Variants in FBXO34 observed in about 807,000 individuals in gnomAD.
FBXO34 encodes F-box protein 34.
Under a neutral mutation model 24.5 loss-of-function variants are expected in FBXO34, and 12 were observed. That is an observed-to-expected ratio of 0.49 (90% CI 0.31 to 0.79). The LOEUF (loss-of-function observed/expected upper bound fraction) is 0.79, where lower values mean the gene tolerates loss of function less well. Ranked by LOEUF, FBXO34 falls within the 30% of genes least tolerant of loss-of-function variation. The pLI is 0.04. For missense variants in FBXO34, 823 were observed against 857.7 expected, an observed-to-expected ratio of 0.96 and a Z score of 0.51; for synonymous variants, 320 against 311.9, an observed-to-expected ratio of 1.03 and a Z score of -0.27.
At chr14:55,288,345 A>C (rs1399919640) in intron 1 of FBXO34, among the ~76,000 whole-genome samples, 2 of 152,212 alleles carry the variant, frequency 1.3e-5, no homozygotes, top group African/African-American at 4.8e-5. Flanking sequence ...AGTACATAAA[A>C]ATGGAATATA....
intron 1 of FBXO34, among the ~76,000 whole-genome samples, chr14:55,282,969 G>A (rs1183096073): frequency 1.3e-5 from 2 of 152,140 alleles, no homozygotes. Flanking sequence ...TAGGGCAAGA[G>A]GTTTTATTTC....
chr14:55,393,790 C>G, the FBXO34 span, among the ~76,000 whole-genome samples: 1 of 152,026 alleles, frequency 6.6e-6, no homozygotes, highest in Admixed American at 6.6e-5. Context: ...TGGGCTTGAG[C>G]AATCCACCTC....
the FBXO34 span, among the ~76,000 whole-genome samples, chr14:55,442,406 G>A: frequency 1.3e-5 from 2 of 148,292 alleles, no homozygotes; most frequent in East Asian, 4.0e-4. Flanking sequence ...AAAAAAAAAT[G>A]TACAGAGGCA....
At chr14:55,367,965 G>A (rs1172784418) in exon 3 of FBXO34, 1 of 152,562 alleles carries the variant, frequency 6.6e-6, no homozygotes, top group Non-Finnish European at 1.5e-5. Flanking sequence ...GAGAAAAGAA[G>A]CTGGGGCATG....
chr14:55,337,956 T>C (rs1883841402), intron 1 of FBXO34, among the ~76,000 whole-genome samples: 1 of 152,124 alleles, frequency 6.6e-6, no homozygotes, highest in Admixed American at 6.6e-5. Flanking sequence ...TATTGAGCTC[T>C]ATGATATGCT....
At chr14:55,405,666 A>G in the FBXO34 span, among the ~76,000 whole-genome samples, 2 of 152,222 alleles carry the variant, frequency 1.3e-5, no homozygotes, top group Non-Finnish European at 2.9e-5. Context: ...TCTACTGGGT[A>G]GCAGTGCTAT....
intron 1 of FBXO34, among the ~76,000 whole-genome samples, chr14:55,322,708 T>TTA (rs1407035648): frequency 6.6e-6 from 1 of 152,086 alleles, no homozygotes; most frequent in Non-Finnish European, 1.5e-5. Flanking sequence ...TGTTTTAACT[T>TTA]TATGGTGTCT....
chr14:55,298,585 G>A (rs1255341471), intron 1 of FBXO34: 2 of 821,070 alleles, frequency 2.4e-6, no homozygotes, highest in Non-Finnish European at 3.8e-6. Flanking sequence ...GGTGGAGGCG[G>A]AGGAGGGCGG....
the FBXO34 span, chr14:55,414,095 A>G: frequency 1.8e-6 from 1 of 565,590 alleles, no homozygotes; most frequent in Non-Finnish European, 3.4e-6. Flanking sequence ...CTTCCGGCTA[A>G]AAGGAAACGC....
intron 1 of FBXO34, among the ~76,000 whole-genome samples, chr14:55,286,906 C>CTTT (rs34073592): frequency 4.0e-5 from 5 of 125,386 alleles, no homozygotes; most frequent in East Asian, 2.2e-4. Context: ...GTTTCATTTA[C>CTTT]TTTTTTTTTT....
intron 1 of FBXO34, chr14:55,335,251 T>G (rs997189676): frequency 6.6e-6 from 1 of 152,246 alleles, no homozygotes; most frequent in Non-Finnish European, 1.5e-5. Context: ...GTGCCTCTTA[T>G]GTGAAAAGTC....
the FBXO34 span, among the ~76,000 whole-genome samples, chr14:55,433,212 T>C: frequency 7.9e-5 from 12 of 151,904 alleles, no homozygotes; most frequent in Admixed American, 7.9e-4. Flanking sequence ...CATTGCAGCC[T>C]CAAACTCATG....
chr14:55,329,687 G>A (rs1454438310), intron 1 of FBXO34, among the ~76,000 whole-genome samples: 1 of 152,010 alleles, frequency 6.6e-6, no homozygotes, highest in African/African-American at 2.4e-5. Context: ...ACAGCATTTT[G>A]GCTTGAAGTC....
At chr14:55,402,968 T>TATATATATAA in the FBXO34 span, among the ~76,000 whole-genome samples, 6 of 60,984 alleles carry the variant, frequency 9.8e-5, no homozygotes, top group East Asian at 2.4e-3. Flanking sequence ...TATATATATA[T>TATATATATAA]AAATAGCTGG....
the FBXO34 span, chr14:55,414,025 C>T: frequency 3.7e-6 from 2 of 537,976 alleles, no homozygotes; most frequent in Non-Finnish European, 7.3e-6. Context: ...GAACATGTAT[C>T]AGGTGCCTCA....
intron 1 of FBXO34, among the ~76,000 whole-genome samples, chr14:55,340,097 T>C (rs1883939622): frequency 6.6e-6 from 1 of 152,208 alleles, no homozygotes. Flanking sequence ...GCTGTGTTGC[T>C]CAGGCTGGAC....
chr14:55,322,819 A>G (rs1205179758), intron 1 of FBXO34, among the ~76,000 whole-genome samples: 2 of 151,950 alleles, frequency 1.3e-5, no homozygotes, highest in Non-Finnish European at 2.9e-5. Context: ...GCATTCTACC[A>G]TATTTGACAG....
chr14:55,380,876 T>TATATATA, the FBXO34 span, among the ~76,000 whole-genome samples: 1,324 of 83,580 alleles, frequency 0.016, 8 homozygotes, highest in African/African-American at 0.039. Flanking sequence ...TATATATATA[T>TATATATA]TTTTTTTTTT....
At chr14:55,318,628 G>C (rs1883023114) in intron 1 of FBXO34, among the ~76,000 whole-genome samples, 1 of 151,004 alleles carries the variant, frequency 6.6e-6, no homozygotes, top group South Asian at 2.1e-4. Flanking sequence ...TCCTCACAAA[G>C]TTTTGGGATT....
Sources: allele counts gnomAD v4.1 joint callset (sites outside exome capture counted in the v4.1 genomes callset), GRCh38; gene constraint gnomAD v4.1.1; transcripts MANE v1.5; gene names NCBI Gene and HGNC (gene_info 2026-07-23, HGNC 2026-07-21).